The following NBPF26 variants were observed in gnomAD, a reference collection of about 807,000 sequenced individuals.
NBPF26 encodes the protein NBPF member 26, also known as NBPF family member NBPF26.
NBPF26 carries 79 observed loss-of-function variants against 119.6 expected under a neutral mutation model. The ratio of observed to expected loss-of-function variants is 0.66; its 90% CI spans 0.55 to 0.80. NBPF26 has a LOEUF of 0.80. Among genes scored for constraint, NBPF26 ranks in the 30% least tolerant of loss-of-function variants. The probability of loss-of-function intolerance (pLI) is 0.00; values close to 1 mark genes in which losing one functional copy is unlikely to be tolerated. For missense variants in NBPF26, 800 were observed against 1,198.2 expected, an observed-to-expected ratio of 0.67 and a Z score of 4.91; for synonymous variants, 299 against 457.7, an observed-to-expected ratio of 0.65 and a Z score of 4.43.
intron 1 of NBPF26, among the ~76,000 whole-genome samples, chr1:120,727,365 T>A (rs1349899929): frequency 8.7e-6 from 1 of 114,412 alleles, no homozygotes; most frequent in Non-Finnish European, 1.7e-5. Flanking sequence ...AAATGTAACC[T>A]TAGTCATTCC....
Position 120,745,186 on chromosome 1 carries a change from A to G in NBPF26, c.74-18442A>G, listed in dbSNP as rs1487709351. Among the ~76,000 whole-genome samples the G allele has an allele frequency of 1.1e-4, 12 of 110,222 alleles. 2 individuals carry two copies. Among genetic ancestry groups the G allele is most frequent in the African/African-American group, 6.0e-4 (11 of 18,378 alleles). The allele number at this position is 110,222 out of a possible 152,430, so 72.3% of individuals were successfully genotyped here. ...TGGGCCTGTCTAATTGCAAAGCCAC[A>G]TTCTTTACTGCACGCTTTAGTCCAT... On this transcript the variant is annotated intron_variant, in intron 1 of 29. Transcript: ENST00000620612.
chr1:120,770,192 CAG>C (rs1439346634), intron 2 of NBPF26, among the ~76,000 whole-genome samples: 1 of 96,500 alleles, frequency 1.0e-5, no homozygotes, highest in Admixed American at 1.0e-4. Flanking sequence ...TTTTTTGAGA[CAG>C]AGTCTCGCTC....
rs1651177332 is a variant in NBPF26 at position 120,765,173 on chromosome 1, A to G, written c.155+1464A>G. 1.6e-5 allele frequency among the ~76,000 whole-genome samples: 2 copies of G among 121,446 alleles called. 1 individual carries two copies. Among genetic ancestry groups the G allele is most frequent in the African/African-American group, 8.3e-5 (2 of 24,130 alleles). The allele number at this position is 121,446 out of a possible 152,430, so 79.7% of individuals were successfully genotyped here. On this transcript the variant is annotated intron_variant, in intron 2 of 29. Coordinates refer to ENST00000620612, the Ensembl canonical transcript of NBPF26. ...AGTTTTTCTAGCTGGGGGAAAAAAA[A>G]AACATGTGGTGCATTCTCCTCTAAG...
rs1553273001 is a variant in NBPF26 at position 120,833,365 on chromosome 1, T to TTCTA, written c.3372-235_3372-234insATCT. 2.5e-3 allele frequency among the ~76,000 whole-genome samples: 85 copies of TTCTA among 33,508 alleles called. 2 individuals carry two copies. The highest frequency in any genetic ancestry group is 5.1e-3 in the African/African-American group (10 of 1,966). 22.0% of individuals were successfully genotyped at this position (33,508 alleles called of 152,430 possible). ...CACCTGGCCAATTCACTAGGTCACT[T>TTCTA]TCTCTCTGTCTCTGTCTCTCTCTCT... On this transcript the variant is annotated intron_variant, in intron 23 of 29. Coordinates refer to ENST00000620612, the Ensembl canonical transcript of NBPF26.
rs1650856425 is a variant in NBPF26, at chr1:120,729,786, G to C, written c.73+5536G>C. Among the ~76,000 whole-genome samples, 2 of 116,128 alleles carry C rather than the reference G, an allele frequency of 1.7e-5. 1 individual carries two copies. The highest frequency in any genetic ancestry group is 5.1e-4 in the South Asian group (2 of 3,940). The allele number at this position is 116,128 out of a possible 152,430, so 76.2% of individuals were successfully genotyped here. A position where few individuals can be genotyped will look rare whatever the true frequency, so the allele number is the denominator to read the frequency against. On this transcript the variant is annotated intron_variant, in intron 1 of 29. Coordinates refer to ENST00000620612, the Ensembl canonical transcript of NBPF26. The stretch of plus-strand genomic sequence containing the variant: ...TCAGTGCATCTGGAGTGTCATCTGG[G>C]AATTTGTGTGTTCAAGAAATAGCCA...
rs1275813529 is a variant in NBPF26, at chr1:120,783,739, C to T, written c.156-1235C>T. Among the ~76,000 whole-genome samples, 3 of 117,270 alleles carry T rather than the reference C, an allele frequency of 2.6e-5. 1 individual carries two copies. Among genetic ancestry groups the T allele is most frequent in the East Asian group, 2.1e-4 (1 of 4,716 alleles). 76.9% of individuals were successfully genotyped at this position (117,270 alleles called of 152,430 possible). A position where few individuals can be genotyped will look rare whatever the true frequency, so the allele number is the denominator to read the frequency against. Reference sequence around the variant, plus strand: ...AAGAGCAGTGCAGTCCAGACTTAAACGTTAGGGTGGCCATAATATATGGGG... The same window carrying T: ...AAGAGCAGTGCAGTCCAGACTTAAATGTTAGGGTGGCCATAATATATGGGG... On this transcript the variant is annotated intron_variant, in intron 2 of 29. Coordinates refer to ENST00000620612, the Ensembl canonical transcript of NBPF26.
In NBPF26 at chr1:120,823,296, A is replaced by T. The variant is rs1553272231; in HGVS notation, c.2588-13A>T. 2.0e-4 allele frequency: 274 copies of T among 1,341,444 alleles called. 48 individuals carry two copies. Among genetic ancestry groups the T allele is most frequent in the African/African-American group, 3.1e-4 (12 of 38,208 alleles). 83.1% of individuals were successfully genotyped at this position (1,341,444 alleles called of 1,614,324 possible). On this transcript the variant is annotated splice_polypyrimidine_tract_variant and intron_variant, in intron 16 of 29. Transcript: ENST00000620612. ...TGCTTAATGTAAGAGGGCCCATCTG[A>T]ATTTATTTGCAGGACATCGGTGGGA...
rs1384963980 is a variant in NBPF26 at position 120,728,538 on chromosome 1, C to T, written c.73+4288C>T. On this transcript the variant is annotated intron_variant, in intron 1 of 29. Coordinates refer to ENST00000620612, the Ensembl canonical transcript of NBPF26. ...AATCTCACTTCAAAGGCACTGCCATCCACCCCCTGCCTCTCACTCAAGTTT... is the reference window on the plus strand; with the variant it reads ...AATCTCACTTCAAAGGCACTGCCATTCACCCCCTGCCTCTCACTCAAGTTT... 6.0e-5 allele frequency among the ~76,000 whole-genome samples: 7 copies of T among 117,054 alleles called. 2 individuals carry two copies. In the East Asian group the frequency reaches 1.5e-3, roughly 25 times the overall value. 76.8% of individuals were successfully genotyped at this position (117,054 alleles called of 152,430 possible). A position where few individuals can be genotyped will look rare whatever the true frequency, so the allele number is the denominator to read the frequency against.
At position 120,811,274 on chromosome 1, in the gene NBPF26, C is replaced by T. The variant is rs1486844194; in HGVS notation, c.1565-612C>T. ...AAAAAAAAAAGTCTCTGACCAGGGG[C>T]GCTGGCTCACATCTTAATCCCAACA... On this transcript the variant is annotated intron_variant, in intron 9 of 29. Transcript: ENST00000620612. Among the ~76,000 whole-genome samples, 11 of 103,162 alleles carry T rather than the reference C, an allele frequency of 1.1e-4. 2 individuals are homozygous for T. The highest frequency in any genetic ancestry group is 4.6e-4 in the Admixed American group (5 of 10,808). 67.7% of individuals were successfully genotyped at this position (103,162 alleles called of 152,430 possible).
chr1:120,840,397 A>T lies in NBPF26; in HGVS notation c.4151A>T (p.Asp1384Val), dbSNP rs1553273443. 38 of 1,463,910 alleles carry T rather than the reference A, an allele frequency of 2.6e-5. 9 individuals carry two copies. Among genetic ancestry groups the T allele is most frequent in the Admixed American group, 1.8e-4 (10 of 54,612 alleles). The allele number at this position is 1,463,910 out of a possible 1,614,324, so 90.7% of individuals were successfully genotyped here. ...GTGGAAGAGCCTGAAGTCTTGCAGG[A>T]CTCACTGGATATATGTTATTCGACT... The change falls in exon 30 of 30, where the codon GAC becomes GTC. Residue 1384 changes from aspartate (D) to valine (V), a missense_variant. Transcript: ENST00000620612.
At chr1:120,829,773 A>C (rs1652305994) in exon 19 of NBPF26, 1 of 799,412 alleles carries the variant, frequency 1.3e-6, no homozygotes, top group Non-Finnish European at 2.0e-6. Flanking sequence ...GAAATTGAAA[A>C]GTACCAAGAA....
In NBPF26 at chr1:120,805,428, G is replaced by T. The variant is rs1300459062; in HGVS notation, c.752-128G>T. The stretch of plus-strand genomic sequence containing the variant: ...GTGGTGAAGGATCCTAAAGTGCTGT[G>T]GGGAGTGATCACATTTTTCACAACA... On this transcript the variant is annotated intron_variant, in intron 4 of 29. Transcript: ENST00000620612. 62 of 1,318,714 alleles carry T rather than the reference G, an allele frequency of 4.7e-5. 12 individuals are homozygous for T. In the Admixed American group the frequency reaches 6.5e-4, roughly 14 times the overall value. The allele number at this position is 1,318,714 out of a possible 1,614,324, so 81.7% of individuals were successfully genotyped here. A position where few individuals can be genotyped will look rare whatever the true frequency, so the allele number is the denominator to read the frequency against.
intron 2 of NBPF26, among the ~76,000 whole-genome samples, chr1:120,764,163 C>G (rs1179126398): frequency 8.8e-6 from 1 of 113,668 alleles, no homozygotes; most frequent in Admixed American, 8.5e-5. Context: ...AGGAGAGTGA[C>G]TTGAACCCAG....
chr1:120,822,752 G>C (rs1209724816), intron 16 of NBPF26, among the ~76,000 whole-genome samples: 1 of 107,612 alleles, frequency 9.3e-6, no homozygotes, highest in Non-Finnish European at 1.8e-5. Flanking sequence ...CCCATTTTCT[G>C]TGTCTTCTAA....
In NBPF26 at chr1:120,811,418, G is replaced by C. The variant is rs1456350784; in HGVS notation, c.1565-468G>C. Among the ~76,000 whole-genome samples, 35 of 107,146 alleles carry C rather than the reference G, an allele frequency of 3.3e-4. 10 individuals are homozygous for C. The highest frequency in any genetic ancestry group is 3.8e-3 in the Middle Eastern group (1 of 260). The allele number at this position is 107,146 out of a possible 152,430, so 70.3% of individuals were successfully genotyped here. On this transcript the variant is annotated intron_variant, in intron 9 of 29. Coordinates refer to ENST00000620612, the Ensembl canonical transcript of NBPF26. The stretch of plus-strand genomic sequence containing the variant: ...AAAATTAGCTGGCATGTTACTTGGC[G>C]CTTGTAATCCCAGATGCTTGGCAGG...
At chr1:120,801,243 T>C (rs1651577651) in intron 4 of NBPF26, among the ~76,000 whole-genome samples, 1 of 108,758 alleles carries the variant, frequency 9.2e-6, no homozygotes, top group East Asian at 2.1e-4. Flanking sequence ...CAAGTACATC[T>C]ATATATAGAG....
rs1651196814 is a variant in NBPF26, at chr1:120,766,665, A to G, written c.155+2956A>G. Reference sequence around the variant, plus strand: ...ACTGTGTTTCCAAAAAAAAAAAAAAAAAAAGAAAATGGAGCTGCCTAAATT... The same window carrying G: ...ACTGTGTTTCCAAAAAAAAAAAAAAGAAAAGAAAATGGAGCTGCCTAAATT... On this transcript the variant is annotated intron_variant, in intron 2 of 29. Coordinates refer to ENST00000620612, the Ensembl canonical transcript of NBPF26. Among the ~76,000 whole-genome samples the G allele has an allele frequency of 1.8e-4, 4 of 22,462 alleles. 2 individuals carry two copies. Among genetic ancestry groups the G allele is most frequent in the Admixed American group, 1.6e-3 (4 of 2,542 alleles). 14.7% of individuals were successfully genotyped at this position (22,462 alleles called of 152,430 possible). A position where few individuals can be genotyped will look rare whatever the true frequency, so the allele number is the denominator to read the frequency against.
intron 10 of NBPF26, among the ~76,000 whole-genome samples, chr1:120,813,175 G>A (rs1294505365): frequency 6.1e-4 from 74 of 120,960 alleles, no homozygotes; most frequent in Non-Finnish European, 1.6e-4. Context: ...CCTGTTCAGA[G>A]GGTACTACAA....
At chr1:120,816,544 A>C in intron 13 of NBPF26, 78 bp from the exon 14 acceptor site, 1 of 649,678 alleles carries the variant, frequency 1.5e-6, no homozygotes, top group Non-Finnish European at 2.4e-6. Context: ...GCCGCCTGTC[A>C]AAACCAGCTA....
Sources: allele counts gnomAD v4.1 joint callset (sites outside exome capture counted in the v4.1 genomes callset), GRCh38; gene constraint gnomAD v4.1.1; transcripts MANE v1.5; gene names NCBI Gene and HGNC (gene_info 2026-07-23, HGNC 2026-07-21).